Variants in DTWD2 observed in about 807,000 individuals in gnomAD.
DTWD2 encodes DTW motif tRNA-uridine aminocarboxypropyltransferase 2.
In DTWD2, 39 loss-of-function variants were observed where a neutral mutation model predicts 31.8. The observed-to-expected ratio is 1.22, with a 90% CI of 0.95 to 1.60. The LOEUF (loss-of-function observed/expected upper bound fraction) is 1.60. DTWD2 is among the 40% of genes most tolerant of loss of function. The probability of loss-of-function intolerance (pLI) is 0.00; values close to 1 mark genes in which losing one functional copy is unlikely to be tolerated. For missense variants in DTWD2, 515 were observed against 381.5 expected (o/e 1.35, Z -2.92); for synonymous variants, 180 against 142.8 (o/e 1.26, Z -1.86).
intron 1 of DTWD2, among the ~76,000 whole-genome samples, chr5:118,985,904 G>T (rs1033203201): frequency 1.3e-5 from 2 of 152,068 alleles, no homozygotes; most frequent in Non-Finnish European, 2.9e-5. Flanking sequence ...TACATCATAG[G>T]ATTTTTAATC....
intron 4 of DTWD2, among the ~76,000 whole-genome samples, chr5:118,865,563 C>T (rs1314508638): frequency 2.0e-5 from 3 of 152,070 alleles, no homozygotes; most frequent in South Asian, 4.2e-4. Context: ...CTCAAACTTC[C>T]TTTGAAGTTA....
chr5:118,868,940 C>G (rs1752440834), intron 4 of DTWD2, among the ~76,000 whole-genome samples: 3 of 150,930 alleles, frequency 2.0e-5, no homozygotes. Context: ...GCAAAATAAG[C>G]TAGTCACAAA....
intron 1 of DTWD2, among the ~76,000 whole-genome samples, chr5:118,948,836 G>A (rs995918179): frequency 6.6e-6 from 1 of 152,122 alleles, no homozygotes; most frequent in Non-Finnish European, 1.5e-5. Context: ...GGATCTATGA[G>A]GTCAGCTAAG....
intron 4 of DTWD2, among the ~76,000 whole-genome samples, chr5:118,902,670 G>GA (rs935802958): frequency 2.2e-4 from 33 of 151,894 alleles, no homozygotes; most frequent in African/African-American, 8.0e-4. Context: ...CACCCATCTG[G>GA]AAAAAGTAAG....
chr5:118,944,330 T>C (rs1269507648), intron 2 of DTWD2, among the ~76,000 whole-genome samples: 1 of 152,224 alleles, frequency 6.6e-6, no homozygotes, highest in Non-Finnish European at 1.5e-5. Context: ...TAAATTTCTA[T>C]ACTATTCAAT....
chr5:118,885,998 CT>C (rs1326980894), intron 4 of DTWD2, among the ~76,000 whole-genome samples: 1 of 152,036 alleles, frequency 6.6e-6, no homozygotes, highest in East Asian at 1.9e-4. Context: ...CACAAAAAAA[CT>C]TTCCTAATCA....
chr5:118,845,792 ATAT>A (rs1302140468), intron 5 of DTWD2, among the ~76,000 whole-genome samples: 1 of 152,222 alleles, frequency 6.6e-6, no homozygotes, highest in Non-Finnish European at 1.5e-5. Flanking sequence ...CTTTTGTTAG[ATAT>A]TACACTCAGA....
In DTWD2 at chr5:118,841,199, T is replaced by C. The variant is rs567154180; in HGVS notation, c.727-112A>G. 22 of 1,248,784 alleles carry C rather than the reference T, an allele frequency of 1.8e-5. No homozygotes were observed. In the East Asian group the frequency reaches 5.7e-4, roughly 32 times the overall value. 77.4% of individuals were successfully genotyped at this position (1,248,784 alleles called of 1,614,324 possible). On this transcript the variant is annotated intron_variant, in intron 5 of 5. Coordinates refer to ENST00000510708, the MANE Select transcript of DTWD2 (RefSeq NM_173666.4). ...TATGTTTCTTTTATTATGATTGGCT[T>C]TTAACTATGAGAAACACTAGGCACT...
intron 1 of DTWD2, among the ~76,000 whole-genome samples, chr5:118,966,987 C>T (rs768651175): frequency 7.3e-5 from 11 of 150,102 alleles, no homozygotes; most frequent in Admixed American, 6.7e-4. Context: ...GCCAAGATTA[C>T]GCCACTGCAC....
intron 4 of DTWD2, among the ~76,000 whole-genome samples, chr5:118,909,708 GC>G (rs1282714104): frequency 6.6e-6 from 1 of 152,170 alleles, no homozygotes; most frequent in Non-Finnish European, 1.5e-5. Flanking sequence ...AGTCCAAACA[GC>G]CCTCACAGCT....
At chr5:118,848,046 A>C in intron 5 of DTWD2, 44 bp downstream of exon 5, 1 of 1,456,982 alleles carries the variant, frequency 6.9e-7, no homozygotes, top group Non-Finnish European at 9.1e-7. Context: ...GTAAAATCTA[A>C]GAAAACTCCC....
intron 4 of DTWD2, among the ~76,000 whole-genome samples, chr5:118,870,038 T>C (rs1337537178): frequency 6.6e-6 from 1 of 152,206 alleles, no homozygotes; most frequent in African/African-American, 2.4e-5. Context: ...CCATGTGACC[T>C]ACTAGCTTCC....
chr5:118,872,430 C>T (rs1296583319), intron 4 of DTWD2, among the ~76,000 whole-genome samples: 1 of 152,190 alleles, frequency 6.6e-6, no homozygotes, highest in East Asian at 1.9e-4. Context: ...AAGTAAGTGA[C>T]ATGTGACTCT....
At chr5:118,843,347 CAGGGAGGG>C (rs1267955024) in intron 5 of DTWD2, among the ~76,000 whole-genome samples, 2 of 101,944 alleles carry the variant, frequency 2.0e-5, no homozygotes, top group East Asian at 4.1e-4. Context: ...GGGAGGGAGG[CAGGGAGGG>C]AGGAAGGGAG....
intron 1 of DTWD2, among the ~76,000 whole-genome samples, chr5:118,959,115 A>C (rs1754653217): frequency 2.0e-5 from 3 of 152,202 alleles, no homozygotes; most frequent in African/African-American, 7.2e-5. Context: ...CCGGCAAGGG[A>C]AATAAATAAA....
intron 1 of DTWD2, among the ~76,000 whole-genome samples, chr5:118,951,204 G>A (rs114654259): frequency 0.025 from 3,818 of 152,256 alleles, 77 homozygotes; most frequent in Non-Finnish European, 0.035. Context: ...ACTGTAAGCC[G>A]GACTGGGTGT....
In DTWD2 at chr5:118,939,081, G is replaced by A. The variant is rs566226931; in HGVS notation, c.404+115C>T. ...GGGGTTAGCAGAACCTAAATTTTTT[G>A]ACTAATTTCCACTCTTTAGACCATG... On this transcript the variant is annotated intron_variant, in intron 3 of 5. Transcript: ENST00000510708. 5.4e-5 allele frequency: 50 copies of A among 928,276 alleles called. 1 individual carries two copies. The African/African-American group carries it at 7.4e-4, about 14-fold the overall frequency. 57.5% of individuals were successfully genotyped at this position (928,276 alleles called of 1,614,324 possible). A position where few individuals can be genotyped will look rare whatever the true frequency, so the allele number is the denominator to read the frequency against.
intron 4 of DTWD2, among the ~76,000 whole-genome samples, chr5:118,869,031 T>A (rs1752443142): frequency 6.6e-6 from 1 of 151,844 alleles, no homozygotes; most frequent in Non-Finnish European, 1.5e-5. Context: ...GAATGGTGGT[T>A]CCCAGGAGTT....
At chr5:118,855,683 T>G (rs1337085819) in intron 4 of DTWD2, among the ~76,000 whole-genome samples, 2 of 152,210 alleles carry the variant, frequency 1.3e-5, no homozygotes, top group East Asian at 3.8e-4. Context: ...AACTCAAGGT[T>G]ACCACCCTTG....
Sources: allele counts gnomAD v4.1 joint callset (sites outside exome capture counted in the v4.1 genomes callset), GRCh38; gene constraint gnomAD v4.1.1; transcripts MANE v1.5; gene names NCBI Gene and HGNC (gene_info 2026-07-23, HGNC 2026-07-21).